Variants in NCOR2 observed in about 807,000 individuals in gnomAD.
NCOR2 encodes the protein CTG repeat protein 26.
NCOR2 carries 81 observed loss-of-function variants against 262.9 expected under a neutral mutation model. That is an observed-to-expected ratio of 0.31 (90% CI 0.26 to 0.37). The LOEUF (loss-of-function observed/expected upper bound fraction) is 0.37. Ranked by LOEUF, NCOR2 falls within the 10% of genes least tolerant of loss-of-function variation. The pLI is 1.00. For missense variants in NCOR2, 3,385 were observed against 3,621.4 expected, an observed-to-expected ratio of 0.93 and a Z score of 1.68; for synonymous variants, 1,659 against 1,559.3, an observed-to-expected ratio of 1.06 and a Z score of -1.51.
chr12:124,330,770 A>G, intron 44 of NCOR2, 75 bp downstream of exon 46: 3 of 1,495,938 alleles, frequency 2.0e-6, no homozygotes, highest in East Asian at 4.9e-5. Flanking sequence ...TCGTCCCTTC[A>G]TGACAGCTGG....
At chr12:124,476,285 G>A (rs974005554) in intron 3 of NCOR2, among the ~76,000 whole-genome samples, 1 of 152,214 alleles carries the variant, frequency 6.6e-6, no homozygotes. Flanking sequence ...CACCTTGGGT[G>A]CTTGGCTGGT....
intron 7 of NCOR2, among the ~76,000 whole-genome samples, chr12:124,438,670 C>CAG (rs55766036): frequency 0.5 from 72,818 of 145,110 alleles, 19,316 homozygotes; most frequent in Non-Finnish European, 0.59. Context: ...ACGGGAGTTT[C>CAG]AGAGAGAGAG....
Position 124,531,349 on chromosome 12 carries a change from C to T in NCOR2, c.-118+4216G>A, listed in dbSNP as rs942324861. ...GTGATGGCAGGGCAGGCGCCTGGAG[C>T]CAACGGCAGGAGGGGCATCCCCCGG... On this transcript the variant is annotated intron_variant, in intron 1 of 46. Transcript: ENST00000404621. This position sits in a 1 kb window ranked among gnomAD's most constrained non-coding sequence, Gnocchi z 4.5. Among the ~76,000 whole-genome samples the T allele has an allele frequency of 6.6e-6, 1 of 152,222 alleles. No homozygotes were observed. Among genetic ancestry groups the T allele is most frequent in the African/African-American group, 2.4e-5 (1 of 41,464 alleles).
At chr12:124,397,672 T>C (rs1023685599) in intron 16 of NCOR2, among the ~76,000 whole-genome samples, 8 of 152,126 alleles carry the variant, frequency 5.3e-5, no homozygotes, top group African/African-American at 1.7e-4. Context: ...GATAGGACCT[T>C]TGGGGCTCTA....
chr12:124,478,889 A>G (rs1464441782), intron 3 of NCOR2, among the ~76,000 whole-genome samples: 1 of 152,206 alleles, frequency 6.6e-6, no homozygotes, highest in Non-Finnish European at 1.5e-5. Flanking sequence ...ACAGACAGAG[A>G]CAGACACAGA....
chr12:124,526,323 C>T (rs748978854), intron 1 of NCOR2, among the ~76,000 whole-genome samples: 3 of 152,206 alleles, frequency 2.0e-5, no homozygotes, highest in Non-Finnish European at 4.4e-5. Context: ...ACCCCCACTC[C>T]CATCCAAGCC....
intron 20 of NCOR2, among the ~76,000 whole-genome samples, chr12:124,369,928 C>T (rs576670054): frequency 1.6e-4 from 25 of 152,252 alleles, no homozygotes; most frequent in African/African-American, 5.5e-4. Context: ...AAGCTGATCC[C>T]CCGGCTCCCC....
rs541274520 is a variant in NCOR2, at chr12:124,422,590, C to T, written c.1329-35G>A. On this transcript the variant is annotated intron_variant, in intron 11 of 46. Transcript: ENST00000405201. ...GAGAAGGGTGGGCGTGAGACCTGGC[C>T]GAGGGGGGCTTTCCTGCGGGGCAGC... The T allele has an allele frequency of 2.5e-5, 40 of 1,612,502 alleles. No homozygotes were observed. The Middle Eastern group carries it at 6.6e-4, about 27-fold the overall frequency.
At chr12:124,509,241 G>GGC (rs1555234133) in intron 1 of NCOR2, among the ~76,000 whole-genome samples, 3 of 64,616 alleles carry the variant, frequency 4.6e-5, no homozygotes, top group Admixed American at 1.9e-4. Flanking sequence ...TTGGTGGGGG[G>GGC]GGGGGGGGCT....
Position 124,378,225 on chromosome 12 carries a change from G to A in NCOR2, c.2167+12C>T, listed in dbSNP as rs377529366. 167 of 1,612,246 alleles carry A rather than the reference G, an allele frequency of 1.0e-4. No homozygotes were observed. Among genetic ancestry groups the A allele is most frequent in the South Asian group, 1.0e-3 (94 of 90,878 alleles). On this transcript the variant is annotated intron_variant, in intron 18 of 46. Coordinates refer to ENST00000405201, the Ensembl canonical transcript of NCOR2. The surrounding 1 kb of genome is among the most constrained non-coding windows in gnomAD (Gnocchi z 4.2). ...CAGCTGCCAGCCACCTCCAAGCCGC[G>A]CCAGCCCTCACCTTCAGCCTCCTCC...
upstream of NCOR2, among the ~76,000 whole-genome samples, chr12:124,499,817 C>G (rs143695655): frequency 6.6e-6 from 1 of 152,082 alleles, no homozygotes; most frequent in Non-Finnish European, 1.5e-5. Flanking sequence ...CAGTGTTTTA[C>G]GAGCAGGCAC....
chr12:124,509,864 C>A (rs920870939), intron 1 of NCOR2, among the ~76,000 whole-genome samples: 1 of 152,150 alleles, frequency 6.6e-6, no homozygotes, highest in Non-Finnish European at 1.5e-5. Context: ...GACACACCCC[C>A]CGACGGCCGC....
rs147263335 is a variant in NCOR2 at position 124,454,600 on chromosome 12, C to T, written c.762+2506G>A. 3.2e-3 allele frequency among the ~76,000 whole-genome samples: 481 copies of T among 152,260 alleles called. 4 individuals carry two copies. The highest frequency in any genetic ancestry group is 0.01 in the African/African-American group (423 of 41,542). On this transcript the variant is annotated intron_variant, in intron 6 of 46. Coordinates refer to ENST00000405201, the Ensembl canonical transcript of NCOR2. The surrounding 1 kb of genome is among the most constrained non-coding windows in gnomAD (Gnocchi z 5.6). The stretch of plus-strand genomic sequence containing the variant: ...AATCAGGAAACGGGAGCGGGAGGAC[C>T]CGGAAATCTGGAAATGCTTGGGAAC...
chr12:124,353,826 C>T (rs766466540), intron 27 of NCOR2, among the ~76,000 whole-genome samples: 6 of 152,250 alleles, frequency 3.9e-5, no homozygotes, highest in Admixed American at 6.5e-5. Flanking sequence ...TGCCTGCCTG[C>T]TCGGTTTTCA....
intron 26 of NCOR2, 42 bp downstream of exon 28, chr12:124,354,436 A>C: frequency 6.9e-7 from 1 of 1,439,198 alleles, no homozygotes; most frequent in Non-Finnish European, 9.2e-7. Flanking sequence ...CACCCGAGGA[A>C]CAGGGGCAGA....
chr12:124,384,425 C>T (rs2040640079), intron 17 of NCOR2, among the ~76,000 whole-genome samples: 2 of 152,244 alleles, frequency 1.3e-5, no homozygotes, highest in Non-Finnish European at 2.9e-5. Context: ...ATGTGGAGGG[C>T]ACGCGGGGCA....
rs943545985 is a variant in NCOR2, at chr12:124,432,040, C to A, written c.883-1253G>T. On this transcript the variant is annotated intron_variant, in intron 8 of 46. Transcript: ENST00000405201. This position sits in a 1 kb window ranked among gnomAD's most constrained non-coding sequence, Gnocchi z 5.1. ...TGACAGACACACACACAGTCCATCA[C>A]ACAGGCAGGCAGGCAGACACACAGG... Among the ~76,000 whole-genome samples the A allele has an allele frequency of 4.6e-5, 7 of 151,232 alleles. No individual in the cohort carries two copies. Among genetic ancestry groups the A allele is most frequent in the Non-Finnish European group, 1.0e-4 (7 of 67,740 alleles).
intron 5 of NCOR2, among the ~76,000 whole-genome samples, chr12:124,458,316 A>ACTCT (rs1491586306): frequency 6.6e-6 from 1 of 152,184 alleles, no homozygotes; most frequent in Non-Finnish European, 1.5e-5. Context: ...GGGCTGCAGC[A>ACTCT]GAGAGAGGAG....
In NCOR2 at chr12:124,363,752, C is replaced by CG; in HGVS notation, c.2854dup (p.Arg952ProfsTer32). The CG allele has an allele frequency of 1.4e-6, 2 of 1,386,184 alleles. No individual in the cohort carries two copies. Among genetic ancestry groups the CG allele is most frequent in the South Asian group, 1.9e-5 (1 of 53,300 alleles). 85.9% of individuals were successfully genotyped at this position (1,386,184 alleles called of 1,614,324 possible). Reference sequence around the variant, plus strand: ...TGGCTTCTGGGGTGAGGCATTGGCCCGGGGGTCGCCAGTCGGGGTGAGGAG... The same window carrying CG: ...TGGCTTCTGGGGTGAGGCATTGGCCCGGGGGGTCGCCAGTCGGGGTGAGGAG... On this transcript the variant is annotated frameshift_variant, in exon 21 of 47. Coordinates refer to ENST00000405201, the Ensembl canonical transcript of NCOR2. LOFTEE classifies it high-confidence loss of function.
Sources: gnomAD v4.1 joint callset for allele counts (sites outside exome capture counted in the v4.1 genomes callset) on GRCh38, gnomAD v4.1.1 for gene constraint, Gnocchi (gnomAD v3.1) non-coding constraint, MANE v1.5 for transcripts, NCBI Gene and HGNC (gene_info 2026-07-23, HGNC 2026-07-21) for gene names.